SLC5A2: variants seen among roughly 807,000 people sequenced by gnomAD.
SLC5A2 encodes the protein sodium/glucose cotransporter 2.
A neutral mutation model predicts 69.0 loss-of-function variants in SLC5A2; 67 were observed. The ratio of observed to expected loss-of-function variants is 0.97; its 90% CI spans 0.80 to 1.19. The LOEUF is 1.19. Ranked by LOEUF, SLC5A2 falls within the 50% of genes most tolerant of loss-of-function variation. The pLI, the probability that SLC5A2 is intolerant of heterozygous loss-of-function variation, is 0.00. For synonymous variants in SLC5A2, 455 were observed against 395.8 expected (o/e 1.15, Z -1.78); for missense variants, 1,001 against 921.5 (o/e 1.09, Z -1.12).
chr16:31,488,580 A>AC, intron 9 of SLC5A2, 42 bp from the exon 10 acceptor site: 1 of 1,608,906 alleles, frequency 6.2e-7, no homozygotes, highest in African/African-American at 1.3e-5. Context: ...GCCGCCCTGG[A>AC]CCCCCAGTGG....
rs749065127 is a variant in SLC5A2, at chr16:31,486,168, A to T, written c.469-2A>T. The stretch of plus-strand genomic sequence containing the variant: ...TGACCTGGCACTTGCTTCTCCCCCA[A>T]GGTGGACATGTTCTCCGGAGCTGTA... On this transcript the variant is annotated splice_acceptor_variant, in intron 4 of 13. Transcript: ENST00000330498. LOFTEE classifies it high-confidence loss of function. 8.1e-6 allele frequency: 13 copies of T among 1,611,514 alleles called. No individual in the cohort carries two copies. Among genetic ancestry groups the T allele is most frequent in the Non-Finnish European group, 1.1e-5 (13 of 1,177,768 alleles).
At position 31,490,134 on chromosome 16, in the gene SLC5A2, A is replaced by G; in HGVS notation, c.1696A>G (p.Ser566Gly). 6.2e-7 allele frequency: 1 copy of G among 1,614,134 alleles called. No individual in the cohort carries two copies. The highest frequency in any genetic ancestry group is 8.5e-7 in the Non-Finnish European group (1 of 1,180,042). Reference protein sequence around the residue: ...LHRLVFSLRHSKEEREDLDAD... With the variant: ...LHRLVFSLRHGKEEREDLDAD... ...CCGCCTGGTCTTCAGTCTCCGGCATAGCAAGGAGGAACGGGAGGACCTGGA... is the reference window on the plus strand; with the variant it reads ...CCGCCTGGTCTTCAGTCTCCGGCATGGCAAGGAGGAACGGGAGGACCTGGA... The change falls in exon 13 of 14, where the codon AGC becomes GGC. Residue 566 changes from serine to glycine, a missense_variant. Ser to Gly is a moderately conservative substitution (Grantham distance 56). Transcript: ENST00000330498.
chr16:31,485,291 A>G (rs2082486515), intron 3 of SLC5A2: 1 of 452,752 alleles, frequency 2.2e-6, no homozygotes, highest in South Asian at 2.1e-5. Flanking sequence ...CCCTTTGCAG[A>G]AGAGAGGAGC....
chr16:31,486,220 C>T lies in SLC5A2; in HGVS notation c.519C>T (p.Asn173=). The T allele has an allele frequency of 6.2e-7, 1 of 1,614,064 alleles. No individual in the cohort carries two copies. The highest frequency in any genetic ancestry group is 8.5e-7 in the Non-Finnish European group (1 of 1,179,966). ...AVFIQQALGW[N]IYASVIALLG... is the part of the protein sequence containing the mutation. ...TCATCCAGCAGGCTCTGGGCTGGAA[C>T]ATCTATGCCTCCGTCATCGCGCTTC... is the stretch of plus-strand genomic sequence containing the variant. Residue 173 remains asparagine, a synonymous_variant, in exon 5 of 14, where the codon AAC becomes AAT. Transcript: ENST00000330498.
rs1441071502 is a variant in SLC5A2, at chr16:31,487,714, C to G, written c.840C>G (p.Leu280=). 1.2e-6 allele frequency: 2 copies of G among 1,612,702 alleles called. No homozygotes were observed. Among genetic ancestry groups the G allele is most frequent in the Non-Finnish European group, 1.7e-6 (2 of 1,179,920 alleles). The change falls in exon 7 of 14, where the codon CTC becomes CTG. Residue 280 remains leucine (L), a synonymous_variant. Coordinates refer to ENST00000330498, the MANE Select transcript of SLC5A2 (RefSeq NM_003041.4). ...GGGATCTGCCGTGGCCCGCGCTGCTCCTCGGACTCACAATCGTCTCGGGCT... is the reference window on the plus strand; with the variant it reads ...GGGATCTGCCGTGGCCCGCGCTGCTGCTCGGACTCACAATCGTCTCGGGCT... The part of the protein sequence containing the change: ...VTGDLPWPAL[L]LGLTIVSGWY...
intron 3 of SLC5A2, chr16:31,485,515 G>C (rs767242772): frequency 1.6e-6 from 1 of 610,120 alleles, no homozygotes; most frequent in African/African-American, 1.9e-5. Context: ...GTGATAGCCT[G>C]GGGAGACAAG....
At chr16:31,483,646 A>G (rs1394540216) in intron 1 of SLC5A2, among the ~76,000 whole-genome samples, 1 of 152,144 alleles carries the variant, frequency 6.6e-6, no homozygotes, top group East Asian at 1.9e-4. Context: ...TAATCCCAGC[A>G]CTTTGGGAGG....
chr16:31,489,246 CACT>C lies in SLC5A2; in HGVS notation c.1576_1578del (p.Tyr526del), dbSNP rs2082535477. On this transcript the variant is annotated inframe_deletion, in exon 12 of 14. Coordinates refer to ENST00000330498, the MANE Select transcript of SLC5A2 (RefSeq NM_003041.4). ...GTGCCCAGCTTTCCTCTGCGGCGTG[CACT>C]ACCTCTACTTCGCCATTGTGCTGTT... The C allele has an allele frequency of 6.2e-7, 1 of 1,610,528 alleles. No individual in the cohort carries two copies. The highest frequency in any genetic ancestry group is 1.3e-5 in the African/African-American group (1 of 74,936).
intron 5 of SLC5A2, among the ~76,000 whole-genome samples, chr16:31,487,012 T>G (rs1037519279): frequency 4.0e-5 from 6 of 151,746 alleles, no homozygotes; most frequent in African/African-American, 1.5e-4. Flanking sequence ...ACCATTGCAC[T>G]CCAGCCTGGG....
At chr16:31,487,291 G>T in intron 5 of SLC5A2, 29 bp from the exon 6 acceptor site, 8 of 1,610,806 alleles carry the variant, frequency 5.0e-6, no homozygotes, top group Non-Finnish European at 5.1e-6. Context: ...TAAACAGCTG[G>T]GCTGTCCCCT....
intron 3 of SLC5A2, chr16:31,485,511 G>A: frequency 1.6e-6 from 1 of 607,822 alleles, no homozygotes; most frequent in Non-Finnish European, 2.9e-6. Context: ...AGAAGTGATA[G>A]CCTGGGGAGA....
chr16:31,486,053 G>T, intron 4 of SLC5A2, 117 bp from the exon 5 acceptor site: 1 of 1,191,614 alleles, frequency 8.4e-7, no homozygotes, highest in Non-Finnish European at 1.2e-6. Context: ...ACCAGCTACA[G>T]TGCTGGGACC....
chr16:31,484,739 T>A lies in SLC5A2; in HGVS notation c.193T>A (p.Trp65Arg). 6.2e-7 allele frequency: 1 copy of A among 1,610,556 alleles called. No homozygotes were observed. Among genetic ancestry groups the A allele is most frequent in the Non-Finnish European group, 8.5e-7 (1 of 1,180,006 alleles). The change falls in exon 2 of 14, where the codon TGG (tryptophan) becomes AGG (arginine). Residue 65 changes from tryptophan to arginine, a missense_variant. Transcript: ENST00000330498. The stretch of plus-strand genomic sequence containing the variant: ...CCTGGCAGGACGCAGCATGGTGTGG[T>A]GGCCGGTGAGACGGGCTGGGCCGGG... ...YFLAGRSMVW[W>R]PVGASLFASN... is the part of the protein sequence containing the mutation.
At chr16:31,485,197 G>A (rs2082486068) in intron 3 of SLC5A2, 2 of 574,218 alleles carry the variant, frequency 3.5e-6, no homozygotes, top group Non-Finnish European at 6.3e-6. Flanking sequence ...TCTGAGTGGG[G>A]TGAGCAGCCT....
chr16:31,488,522 T>C (rs1283083619), intron 9 of SLC5A2, 32 bp downstream of exon 9: 1 of 1,601,636 alleles, frequency 6.2e-7, no homozygotes, highest in Non-Finnish European at 8.5e-7. Context: ...AGGCGCAAGC[T>C]CGCTGCGGAG....
In SLC5A2 at chr16:31,489,229, C is replaced by G; in HGVS notation, c.1556C>G (p.Ala519Gly). Reference sequence around the variant, plus strand: ...TGTGTGCAGCCCTCGGCGTGCCCAGCTTTCCTCTGCGGCGTGCACTACCTC... The same window carrying G: ...TGTGTGCAGCCCTCGGCGTGCCCAGGTTTCCTCTGCGGCGTGCACTACCTC... ...GSCVQPSACP[A>G]FLCGVHYLYF... Residue 519 changes from alanine to glycine, a missense_variant, in exon 12 of 14, where the codon GCT becomes GGT. Coordinates refer to ENST00000330498, the MANE Select transcript of SLC5A2 (RefSeq NM_003041.4). 1 of 1,610,492 alleles carries G rather than the reference C, an allele frequency of 6.2e-7. No individual in the cohort carries two copies. Among genetic ancestry groups the G allele is most frequent in the Non-Finnish European group, 8.5e-7 (1 of 1,179,984 alleles).
chr16:31,488,947 G>T lies in SLC5A2; in HGVS notation c.1348G>T (p.Gly450Trp). ...WLPVVQAAQG[G>W]QLFDYIQAVS... ...TCCCGTGGTGCAGGCGGCACAGGGC[G>T]GGCAGCTCTTCGATTACATCCAGGC... The change falls in exon 11 of 14, where the codon GGG becomes TGG. Residue 450 changes from glycine to tryptophan, a missense_variant. Transcript: ENST00000330498. The T allele has an allele frequency of 6.2e-7, 1 of 1,603,816 alleles. No homozygotes were observed.
At chr16:31,488,593 C>T (rs758154998) in intron 9 of SLC5A2, 29 bp from the exon 10 acceptor site, 14 of 1,610,006 alleles carry the variant, frequency 8.7e-6, no homozygotes, top group Non-Finnish European at 1.2e-5. Flanking sequence ...CCCAGTGGCC[C>T]CAGCCTCACG....
intron 5 of SLC5A2, among the ~76,000 whole-genome samples, 166 bp from the exon 6 acceptor site, chr16:31,487,154 C>T (rs1032547479): frequency 3.9e-5 from 6 of 152,216 alleles, no homozygotes; most frequent in Non-Finnish European, 8.8e-5. Flanking sequence ...CCCGCCAAGC[C>T]CTGCTTGTTG....
Sources: gnomAD v4.1 joint callset for allele counts (sites outside exome capture counted in the v4.1 genomes callset) on GRCh38, gnomAD v4.1.1 for gene constraint, MANE v1.5 for transcripts, NCBI Gene and HGNC (gene_info 2026-07-23, HGNC 2026-07-21) for gene names.